Variants in STAB2 observed in about 807,000 individuals in gnomAD.
STAB2 encodes the protein stabilin-2.
In STAB2, 288 loss-of-function variants were observed where a neutral mutation model predicts 338.1. The observed-to-expected ratio is 0.85, with a 90% CI of 0.77 to 0.94. STAB2 has a LOEUF of 0.94. Among genes scored for constraint, STAB2 ranks in the 40% least tolerant of loss-of-function variants. The pLI, the probability that STAB2 is intolerant of heterozygous loss-of-function variation, is 0.00. For synonymous variants in STAB2, 1,202 were observed against 1,193.3 expected, an observed-to-expected ratio of 1.01 and a Z score of -0.15; for missense variants, 3,141 against 3,210.1, an observed-to-expected ratio of 0.98 and a Z score of 0.52.
At chr12:103,644,913 G>A (rs1346421241) in intron 9 of STAB2, among the ~76,000 whole-genome samples, 1 of 152,102 alleles carries the variant, frequency 6.6e-6, no homozygotes, top group Non-Finnish European at 1.5e-5. Context: ...AATAGCTCGT[G>A]TATCCCATAA....
chr12:103,650,392 A>C, intron 10 of STAB2, 104 bp from the exon 11 acceptor site: 1 of 850,984 alleles, frequency 1.2e-6, no homozygotes, highest in South Asian at 1.5e-5. Flanking sequence ...AGAGAAGGGC[A>C]TAAATGGACC....
chr12:103,723,114 A>G (rs751382634), intron 44 of STAB2, among the ~76,000 whole-genome samples: 30 of 152,206 alleles, frequency 2.0e-4, no homozygotes, highest in Non-Finnish European at 4.3e-4. Context: ...CATGAGGCAC[A>G]AGTGGGGCTC....
intron 63 of STAB2, 132 bp from the exon 64 acceptor site, chr12:103,758,038 A>C: frequency 7.4e-7 from 1 of 1,346,010 alleles, no homozygotes; most frequent in Non-Finnish European, 1.0e-6. Context: ...AAGACACAGC[A>C]AAGGAGCAGC....
chr12:103,625,266 A>T (rs1957363406), intron 5 of STAB2, among the ~76,000 whole-genome samples: 1 of 152,228 alleles, frequency 6.6e-6, no homozygotes, highest in Non-Finnish European at 1.5e-5. Context: ...TGCGCAGGGA[A>T]ATTCCCAACA....
At chr12:103,682,921 C>T (rs1593229460) in intron 25 of STAB2, among the ~76,000 whole-genome samples, 1 of 151,550 alleles carries the variant, frequency 6.6e-6, no homozygotes, top group Admixed American at 6.6e-5. Context: ...GCACTCCATC[C>T]TGGGCGACAG....
chr12:103,731,621 A>G lies in STAB2; in HGVS notation c.5269A>G (p.Ser1757Gly). The G allele has an allele frequency of 6.2e-7, 1 of 1,613,846 alleles. No individual in the cohort carries two copies. The highest frequency in any genetic ancestry group is 1.1e-5 in the South Asian group (1 of 90,998). Residue 1757 changes from serine to glycine, a missense_variant, in exon 50 of 69, where the codon AGC becomes GGC. Ser to Gly is a moderately conservative substitution (Grantham distance 56). Transcript: ENST00000388887. ...LATNNGYIKF[S>G]NLIQDSGLLS... ...AACAAACAATGGCTACATCAAATTT[A>G]GCAACTTAATACAGGTAAAAATTTA...
intron 39 of STAB2, among the ~76,000 whole-genome samples, chr12:103,710,444 C>T (rs180951889): frequency 1.6e-4 from 24 of 152,314 alleles, no homozygotes; most frequent in East Asian, 1.5e-3. Context: ...GCAAACTCCT[C>T]GCTCCTAAGT....
intron 34 of STAB2, among the ~76,000 whole-genome samples, chr12:103,702,150 A>G (rs1878938369): frequency 2.0e-5 from 3 of 152,030 alleles, no homozygotes; most frequent in African/African-American, 7.2e-5. Flanking sequence ...AAAAAAAAAA[A>G]AAAAATCAAA....
intron 3 of STAB2, among the ~76,000 whole-genome samples, chr12:103,609,156 T>A (rs1455102001): frequency 1.3e-5 from 2 of 152,156 alleles, no homozygotes; most frequent in African/African-American, 4.8e-5. Context: ...CTTAGGATTG[T>A]CTTGGCAATG....
chr12:103,640,405 G>T, intron 9 of STAB2, 149 bp downstream of exon 9: 1 of 948,464 alleles, frequency 1.1e-6, no homozygotes, highest in South Asian at 2.0e-5. Flanking sequence ...GATTGTAGTA[G>T]GTACTCAATA....
At chr12:103,671,904 T>C (rs1351671557) in intron 22 of STAB2, among the ~76,000 whole-genome samples, 3 of 152,232 alleles carry the variant, frequency 2.0e-5, no homozygotes, top group Admixed American at 2.0e-4. Flanking sequence ...CATATATTTC[T>C]AAGCTAACAG....
At chr12:103,713,227 A>G (rs1349795465) in intron 41 of STAB2, among the ~76,000 whole-genome samples, 2 of 152,194 alleles carry the variant, frequency 1.3e-5, no homozygotes, top group African/African-American at 4.8e-5. Flanking sequence ...AATGCAAGCT[A>G]ATATTCTTAT....
intron 15 of STAB2, among the ~76,000 whole-genome samples, chr12:103,656,193 C>T (rs944487245): frequency 6.6e-6 from 1 of 152,198 alleles, no homozygotes; most frequent in Non-Finnish European, 1.5e-5. Flanking sequence ...TTGAAGAGGA[C>T]AGCCTATTGT....
At position 103,683,207 on chromosome 12, in the gene STAB2, T is replaced by G. The variant is rs1354790016; in HGVS notation, c.2808T>G (p.Asn936Lys). 6.2e-7 allele frequency: 1 copy of G among 1,611,870 alleles called. No individual in the cohort carries two copies. Among genetic ancestry groups the G allele is most frequent in the African/African-American group, 1.3e-5 (1 of 74,780 alleles). The change falls in exon 26 of 69, where the codon AAT becomes AAG. Residue 936 changes from asparagine to lysine, a missense_variant and splice_region_variant. Coordinates refer to ENST00000388887, the MANE Select transcript of STAB2 (RefSeq NM_017564.10). ...TGACTCTGTTCTTAAAATTATAGAA[T>G]GAGTGTGAGTGCAAGAAAGGATTTC... ...ASCLYVGPGQ[N>K]ECECKKGFRG...
chr12:103,749,602 G>T (rs1379591254), intron 59 of STAB2, among the ~76,000 whole-genome samples: 3 of 151,344 alleles, frequency 2.0e-5, no homozygotes, highest in Non-Finnish European at 4.4e-5. Flanking sequence ...GGCCGAGGCA[G>T]ATGGATCACG....
chr12:103,610,726 C>A (rs930631180), intron 3 of STAB2, among the ~76,000 whole-genome samples: 1 of 152,200 alleles, frequency 6.6e-6, no homozygotes, highest in Admixed American at 6.5e-5. Flanking sequence ...TTGCCTTCTG[C>A]TAGCTTTTGA....
At chr12:103,726,381 A>C (rs1185778146) in intron 46 of STAB2, among the ~76,000 whole-genome samples, 2 of 152,200 alleles carry the variant, frequency 1.3e-5, no homozygotes, top group African/African-American at 4.8e-5. Context: ...AGTCCCAGCT[A>C]CTTGGAAACT....
chr12:103,666,184 A>C, intron 18 of STAB2, 107 bp from the exon 19 acceptor site: 1 of 1,090,132 alleles, frequency 9.2e-7, no homozygotes, highest in Non-Finnish European at 1.4e-6. Flanking sequence ...ATCATGGCTC[A>C]GTGGGGTTTC....
intron 5 of STAB2, among the ~76,000 whole-genome samples, chr12:103,628,684 T>C (rs187981682): frequency 6.6e-6 from 1 of 152,304 alleles, no homozygotes; most frequent in Non-Finnish European, 1.5e-5. Context: ...CTAATGTCTG[T>C]GGCATCTCCC....
Sources: gnomAD v4.1 joint callset for allele counts (sites outside exome capture counted in the v4.1 genomes callset) on GRCh38, gnomAD v4.1.1 for gene constraint, MANE v1.5 for transcripts, NCBI Gene and HGNC (gene_info 2026-07-23, HGNC 2026-07-21) for gene names.